The following SIRPG variants were observed in gnomAD, a reference collection of about 807,000 sequenced individuals.
The protein encoded by SIRPG is signal-regulatory protein gamma.
In SIRPG, 38 loss-of-function variants were observed where a neutral mutation model predicts 35.7. The ratio of observed to expected loss-of-function variants is 1.06; its 90% CI spans 0.82 to 1.40. SIRPG has a LOEUF of 1.40. Among genes scored for constraint, SIRPG ranks in the 40% most tolerant of loss-of-function variants. The pLI is 0.00. For missense variants in SIRPG, 519 were observed against 483.0 expected, an observed-to-expected ratio of 1.07 and a Z score of -0.70; for synonymous variants, 215 against 190.4, an observed-to-expected ratio of 1.13 and a Z score of -1.06.
intron 1 of SIRPG, among the ~76,000 whole-genome samples, chr20:1,653,490 G>A (rs2091955383): frequency 6.6e-6 from 1 of 152,188 alleles, no homozygotes; most frequent in Admixed American, 6.5e-5. Flanking sequence ...TAAGGGTATG[G>A]ATATGGATAT....
chr20:1,662,229 C>T (rs772147082), upstream of SIRPG, among the ~76,000 whole-genome samples: 13 of 152,242 alleles, frequency 8.5e-5, no homozygotes, highest in Admixed American at 4.6e-4. Context: ...GAACCAGTGC[C>T]GGGGAAGGAA....
At chr20:1,685,665 T>C in the SIRPG span, among the ~76,000 whole-genome samples, 1 of 152,114 alleles carries the variant, frequency 6.6e-6, no homozygotes, top group African/African-American at 2.4e-5. Context: ...AAATTCCTTC[T>C]TAAAGAGGAA....
At position 1,635,373 on chromosome 20, in the gene SIRPG, C is replaced by T; in HGVS notation, c.975G>A (p.Val325=). Residue 325 remains valine (V), a synonymous_variant, in exon 4 of 6, where the codon GTG becomes GTA. Coordinates refer to ENST00000303415, the MANE Select transcript of SIRPG (RefSeq NM_018556.4). The part of the protein sequence containing the change: ...LVNISDQRDD[V]VLTCQVKHDG... ...CATGCTTCACCTGGCAGGTGAGGAC[C>T]ACATCATCCCTTTGGTCAGATATGT... The T allele has an allele frequency of 6.2e-7, 1 of 1,614,076 alleles. No individual in the cohort carries two copies. Among genetic ancestry groups the T allele is most frequent in the African/African-American group, 1.3e-5 (1 of 74,984 alleles).
At chr20:1,682,263 G>A in the SIRPG span, among the ~76,000 whole-genome samples, 36,741 of 152,046 alleles carry the variant, frequency 0.24, 5,172 homozygotes, top group East Asian at 0.59. Flanking sequence ...CTAAGAAATG[G>A]TTAGAAGGAA....
chr20:1,635,000 G>A (rs866106865), intron 4 of SIRPG, among the ~76,000 whole-genome samples: 9 of 151,228 alleles, frequency 6.0e-5, no homozygotes, highest in Non-Finnish European at 1.2e-4. Flanking sequence ...CAGAGATCGC[G>A]CCACTGCACT....
chr20:1,644,269 G>A (rs1019054200), intron 2 of SIRPG, among the ~76,000 whole-genome samples: 2 of 152,100 alleles, frequency 1.3e-5, no homozygotes, highest in African/African-American at 4.8e-5. Context: ...CCAGGCTGGA[G>A]TTGTTGGAGT....
In SIRPG at chr20:1,636,425, G is replaced by A; in HGVS notation, c.511C>T (p.His171Tyr). The A allele has an allele frequency of 1.2e-6, 2 of 1,614,248 alleles. No homozygotes were observed. Among genetic ancestry groups the A allele is most frequent in the Non-Finnish European group, 1.7e-6 (2 of 1,180,042 alleles). Residue 171 changes from histidine to tyrosine, a missense_variant, in exon 3 of 6, where the codon CAT (histidine) becomes TAT (tyrosine). By Grantham distance (83) the His-to-Tyr change is moderately conservative. Coordinates refer to ENST00000303415, the MANE Select transcript of SIRPG (RefSeq NM_018556.4). ...GTGATGTCTCTGGGAGAGAAGCCAT[G>A]GGACTCACAGGTGAAACTCACTGTA... is the stretch of plus-strand genomic sequence containing the variant. ...EHTVSFTCES[H>Y]GFSPRDITLK...
upstream of SIRPG, among the ~76,000 whole-genome samples, chr20:1,660,516 T>C (rs1189250113): frequency 6.6e-6 from 1 of 152,198 alleles, no homozygotes; most frequent in Non-Finnish European, 1.5e-5. Context: ...ATGCATAGTA[T>C]AGTGTCAGGA....
the SIRPG span, among the ~76,000 whole-genome samples, chr20:1,670,562 G>T: frequency 6.6e-6 from 1 of 152,152 alleles, no homozygotes; most frequent in Non-Finnish European, 1.5e-5. Flanking sequence ...ACAGGGCCTT[G>T]GCTCATAGTA....
At chr20:1,662,803 T>C in the SIRPG span, among the ~76,000 whole-genome samples, 2 of 152,144 alleles carry the variant, frequency 1.3e-5, no homozygotes, top group African/African-American at 4.8e-5. Flanking sequence ...CGTGGTAATA[T>C]AATACAGTGC....
At chr20:1,657,529 G>T in intron 1 of SIRPG, 113 bp downstream of exon 1, 1 of 1,047,638 alleles carries the variant, frequency 9.5e-7, no homozygotes, top group Non-Finnish European at 1.5e-6. Context: ...ACAATGTCCA[G>T]TCCTTGACCT....
intron 1 of SIRPG, among the ~76,000 whole-genome samples, chr20:1,651,563 T>A (rs1435823034): frequency 6.6e-6 from 1 of 152,066 alleles, no homozygotes; most frequent in Non-Finnish European, 1.5e-5. Context: ...GTTAGAGTGA[T>A]CCTTTAAGAC....
the SIRPG span, among the ~76,000 whole-genome samples, chr20:1,663,635 A>G: frequency 6.6e-6 from 1 of 152,358 alleles, no homozygotes; most frequent in East Asian, 1.9e-4. Context: ...TGAAGAGTCA[A>G]CTGTTATACG....
intron 4 of SIRPG, 51 bp downstream of exon 4, chr20:1,635,212 ATTAC>A: frequency 7.2e-7 from 1 of 1,397,432 alleles, no homozygotes; most frequent in Non-Finnish European, 9.8e-7. Context: ...AAGTGTGGAT[ATTAC>A]TTTTAAAATG....
chr20:1,677,790 T>A, the SIRPG span, among the ~76,000 whole-genome samples: 36,701 of 152,032 alleles, frequency 0.24, 5,196 homozygotes, highest in East Asian at 0.59. Context: ...AATGGTGAGA[T>A]ACAGGTCAAA....
At chr20:1,651,548 A>T (rs2091940190) in intron 1 of SIRPG, among the ~76,000 whole-genome samples, 1 of 152,134 alleles carries the variant, frequency 6.6e-6, no homozygotes, top group East Asian at 1.9e-4. Flanking sequence ...AATTCTCATG[A>T]CCAGGTTAGA....
At chr20:1,657,816 G>C, upstream of SIRPG, 1 of 1,106,062 alleles carries the variant, frequency 9.0e-7, no homozygotes. Context: ...CTCAATTCAA[G>C]AGGAAGTGGC....
At chr20:1,676,789 G>A in the SIRPG span, 1 of 217,368 alleles carries the variant, frequency 4.6e-6, no homozygotes. Context: ...AGGCCCCACA[G>A]GGAACAGGGA....
At chr20:1,657,455 GC>G (rs919149415) in intron 1 of SIRPG, among the ~76,000 whole-genome samples, 186 bp downstream of exon 1, 98 of 152,332 alleles carry the variant, frequency 6.4e-4, no homozygotes, top group African/African-American at 2.3e-3. Context: ...AAGGTTTGAT[GC>G]CTCTGGTAGC....
Sources: gnomAD v4.1 joint callset for allele counts (sites outside exome capture counted in the v4.1 genomes callset) on GRCh38, gnomAD v4.1.1 for gene constraint, MANE v1.5 for transcripts, NCBI Gene and HGNC (gene_info 2026-07-23, HGNC 2026-07-21) for gene names.